Variants in EPHA6 observed in about 807,000 individuals in gnomAD.
EPHA6 encodes the protein ephrin type-A receptor 6.
A neutral mutation model predicts 112.0 loss-of-function variants in EPHA6; 50 were observed. The ratio of observed to expected loss-of-function variants is 0.45; its 90% CI spans 0.36 to 0.56. The LOEUF (loss-of-function observed/expected upper bound fraction) is 0.56. EPHA6 is among the 20% of genes least tolerant of loss of function. The probability of loss-of-function intolerance (pLI) is 0.00; values close to 1 mark genes in which losing one functional copy is unlikely to be tolerated. For synonymous variants in EPHA6, 529 were observed against 490.7 expected, an observed-to-expected ratio of 1.08 and a Z score of -1.03; for missense variants, 1,280 against 1,417.4, an observed-to-expected ratio of 0.90 and a Z score of 1.56.
intron 2 of EPHA6, among the ~76,000 whole-genome samples, chr3:96,909,534 A>G (rs2039109942): frequency 6.6e-6 from 1 of 151,990 alleles, no homozygotes; most frequent in African/African-American, 2.4e-5. Flanking sequence ...TAATAAAAAT[A>G]AAAGTATATG....
intron 14 of EPHA6, among the ~76,000 whole-genome samples, chr3:97,717,458 G>T (rs1402183059): frequency 6.6e-6 from 1 of 152,204 alleles, no homozygotes; most frequent in Non-Finnish European, 1.5e-5. Flanking sequence ...CCAAGATCAA[G>T]GTGCTGACAG....
chr3:97,002,754 A>G (rs1349217354), intron 3 of EPHA6, among the ~76,000 whole-genome samples: 1 of 152,114 alleles, frequency 6.6e-6, no homozygotes, highest in Non-Finnish European at 1.5e-5. Context: ...GAATTCAGCA[A>G]AAACGGTGCT....
chr3:96,881,802 G>A (rs1411278400), intron 2 of EPHA6, among the ~76,000 whole-genome samples: 3 of 152,212 alleles, frequency 2.0e-5, no homozygotes, highest in Admixed American at 6.5e-5. Context: ...GGTAAATACA[G>A]GCATTCCAAA....
rs1428374769 is a variant in EPHA6, at chr3:96,948,017, G to C, written c.451-39313G>C. ...GAAACTACACTACAGGGCTACGATA[G>C]CTCATTTCTTTTTAGTACTGAATAA... On this transcript the variant is annotated intron_variant, in intron 2 of 17. Coordinates refer to ENST00000389672, the MANE Select transcript of EPHA6 (RefSeq NM_001080448.3). Among the ~76,000 whole-genome samples, 4 of 152,034 alleles carry C rather than the reference G, an allele frequency of 2.6e-5. No homozygotes were observed. The East Asian group carries it at 5.8e-4, about 22-fold the overall frequency.
chr3:97,297,273 G>A (rs2080906629), intron 5 of EPHA6, among the ~76,000 whole-genome samples: 1 of 152,042 alleles, frequency 6.6e-6, no homozygotes, highest in Admixed American at 6.5e-5. Context: ...CATGCTTCAG[G>A]TATTTCCTGT....
At chr3:97,399,401 C>T (rs942642851) in intron 5 of EPHA6, among the ~76,000 whole-genome samples, 9 of 151,432 alleles carry the variant, frequency 5.9e-5, no homozygotes, top group Non-Finnish European at 1.3e-4. Flanking sequence ...CTGCAATAAA[C>T]ATGATGTGGG....
chr3:97,472,906 G>T (rs1483054613), intron 7 of EPHA6, among the ~76,000 whole-genome samples: 1 of 151,722 alleles, frequency 6.6e-6, no homozygotes, highest in Non-Finnish European at 1.5e-5. Flanking sequence ...TCGGCAAAAA[G>T]AAGTTGGATT....
intron 14 of EPHA6, among the ~76,000 whole-genome samples, chr3:97,686,652 TG>T (rs2032274149): frequency 1.3e-5 from 2 of 152,234 alleles, no homozygotes. Flanking sequence ...TTTCATTCAC[TG>T]GTATGTTTAC....
At chr3:97,560,185 A>C (rs2093169439) in intron 11 of EPHA6, among the ~76,000 whole-genome samples, 1 of 151,946 alleles carries the variant, frequency 6.6e-6, no homozygotes, top group African/African-American at 2.4e-5. Flanking sequence ...CATGGAATAG[A>C]AAGTTGTGGA....
At chr3:97,027,026 ATGGAATCAATC>A (rs2044663185) in intron 3 of EPHA6, among the ~76,000 whole-genome samples, 1 of 152,208 alleles carries the variant, frequency 6.6e-6, no homozygotes, top group Non-Finnish European at 1.5e-5. Context: ...TAGCAAAGAC[ATGGAATCAATC>A]TAAATGCCCA....
chr3:96,967,965 G>C (rs1295073206), intron 2 of EPHA6, among the ~76,000 whole-genome samples: 1 of 151,652 alleles, frequency 6.6e-6, no homozygotes, highest in Non-Finnish European at 1.5e-5. Context: ...TGTATCCTTT[G>C]TCTTCTGTAT....
intron 2 of EPHA6, among the ~76,000 whole-genome samples, chr3:96,882,736 G>GTC (rs1319298678): frequency 7.4e-5 from 10 of 134,698 alleles, no homozygotes; most frequent in African/African-American, 3.4e-4. Flanking sequence ...GTGTCTGTGT[G>GTC]TGTGTGTGTG....
chr3:96,937,617 C>G (rs971436998), intron 2 of EPHA6, among the ~76,000 whole-genome samples: 2 of 152,006 alleles, frequency 1.3e-5, no homozygotes, highest in Non-Finnish European at 1.5e-5. Flanking sequence ...TTAATTAGAT[C>G]CATTTTTGTC....
chr3:97,133,084 T>G (rs994886238), intron 3 of EPHA6, among the ~76,000 whole-genome samples: 4 of 152,004 alleles, frequency 2.6e-5, no homozygotes, highest in Non-Finnish European at 5.9e-5. Context: ...CTGGTGTTCT[T>G]AAGAGCTTCC....
intron 3 of EPHA6, among the ~76,000 whole-genome samples, chr3:97,140,972 G>A (rs1019477202): frequency 6.6e-6 from 1 of 152,024 alleles, no homozygotes; most frequent in Non-Finnish European, 1.5e-5. Context: ...TCAAAGTAAA[G>A]GGATGGAGAA....
At chr3:97,394,868 G>A (rs2086611969) in intron 5 of EPHA6, among the ~76,000 whole-genome samples, 1 of 151,680 alleles carries the variant, frequency 6.6e-6, no homozygotes, top group African/African-American at 2.4e-5. Context: ...GCTGTATGGA[G>A]ATTTTTCAAA....
chr3:97,511,028 A>C (rs764801727), intron 10 of EPHA6, among the ~76,000 whole-genome samples: 3 of 152,112 alleles, frequency 2.0e-5, no homozygotes, highest in Non-Finnish European at 4.4e-5. Flanking sequence ...TAATGGTGGA[A>C]GCCCCTCCCC....
intron 10 of EPHA6, among the ~76,000 whole-genome samples, chr3:97,500,420 G>A (rs1273538445): frequency 2.0e-5 from 3 of 152,120 alleles, no homozygotes; most frequent in Non-Finnish European, 4.4e-5. Flanking sequence ...GGGGGAGCAG[G>A]CATGTCACAT....
At chr3:97,074,245 T>C (rs1330042603) in intron 3 of EPHA6, among the ~76,000 whole-genome samples, 1 of 152,044 alleles carries the variant, frequency 6.6e-6, no homozygotes, top group African/African-American at 2.4e-5. Context: ...CACTGACATA[T>C]TTGTATACAT....
Sources: gnomAD v4.1 joint callset for allele counts (sites outside exome capture counted in the v4.1 genomes callset) on GRCh38, gnomAD v4.1.1 for gene constraint, MANE v1.5 for transcripts, NCBI Gene and HGNC (gene_info 2026-07-23, HGNC 2026-07-21) for gene names.